Variants in RHOU observed in about 807,000 individuals in gnomAD.
RHOU encodes the protein rho-related GTP-binding protein RhoU.
RHOU carries 8 observed loss-of-function variants against 12.6 expected under a neutral mutation model. The observed-to-expected ratio is 0.64, with a 90% CI of 0.37 to 1.15. The LOEUF is 1.15. RHOU is among the 50% of genes most tolerant of loss of function. The pLI is 0.01. For synonymous variants in RHOU, 161 were observed against 147.4 expected (o/e 1.09, Z -0.67); for missense variants, 258 against 347.0 (o/e 0.74, Z 2.04).
the RHOU span, among the ~76,000 whole-genome samples, chr1:228,707,269 T>TA: frequency 1.2e-3 from 132 of 113,568 alleles, 1 homozygote; most frequent in African/African-American, 4.8e-3. Context: ...TGTGTGTGTG[T>TA]GTGTGTGTGT....
At chr1:228,698,057 C>A in the RHOU span, among the ~76,000 whole-genome samples, 1 of 152,104 alleles carries the variant, frequency 6.6e-6, no homozygotes, top group Non-Finnish European at 1.5e-5. Context: ...GTAGAACATG[C>A]ATAACATAAA....
intron 2 of RHOU, among the ~76,000 whole-genome samples, chr1:228,739,692 C>A (rs889478794): frequency 2.0e-5 from 3 of 152,188 alleles, no homozygotes; most frequent in African/African-American, 7.2e-5. Context: ...TAGCAGGGAG[C>A]CTTACGGGCT....
intron 1 of RHOU, among the ~76,000 whole-genome samples, chr1:228,736,849 C>T (rs2102715524): frequency 6.6e-6 from 1 of 152,288 alleles, no homozygotes; most frequent in South Asian, 2.1e-4. Flanking sequence ...AAAATTGCTT[C>T]TCTGACCTTC....
At chr1:228,684,122 C>G in the RHOU span, among the ~76,000 whole-genome samples, 27 of 152,178 alleles carry the variant, frequency 1.8e-4, no homozygotes, top group Non-Finnish European at 1.6e-4. Context: ...ACTGCAACCT[C>G]CAGCTCCCAG....
the RHOU span, among the ~76,000 whole-genome samples, chr1:228,675,778 T>A: frequency 6.6e-6 from 1 of 152,190 alleles, no homozygotes; most frequent in Non-Finnish European, 1.5e-5. Flanking sequence ...TATTCAGAGA[T>A]CTTACAGGAG....
the RHOU span, among the ~76,000 whole-genome samples, chr1:228,713,016 C>T: frequency 6.7e-6 from 1 of 150,084 alleles, no homozygotes; most frequent in African/African-American, 2.5e-5. Context: ...TTTTTTTAAC[C>T]AGGAATGGAT....
chr1:228,703,144 C>T, the RHOU span, among the ~76,000 whole-genome samples: 1 of 152,184 alleles, frequency 6.6e-6, no homozygotes. Flanking sequence ...ACATTTAAAA[C>T]AACAGTAAGA....
chr1:228,649,909 G>A, the RHOU span, among the ~76,000 whole-genome samples: 13 of 152,118 alleles, frequency 8.5e-5, no homozygotes, highest in African/African-American at 2.7e-4. Context: ...AATCTAAGAC[G>A]TCATCAGTTG....
upstream of RHOU, among the ~76,000 whole-genome samples, chr1:228,730,544 A>C (rs1662475801): frequency 6.6e-6 from 1 of 152,212 alleles, no homozygotes; most frequent in East Asian, 1.9e-4. Context: ...AATTCTGAGA[A>C]TCATGTCTCC....
At chr1:228,713,969 T>C in the RHOU span, among the ~76,000 whole-genome samples, 4 of 152,208 alleles carry the variant, frequency 2.6e-5, no homozygotes, top group African/African-American at 9.7e-5. Context: ...GTGTTGATTG[T>C]AGTATGAGAG....
intron 2 of RHOU, among the ~76,000 whole-genome samples, chr1:228,742,181 A>G (rs1378846290): frequency 1.3e-5 from 2 of 152,232 alleles, no homozygotes; most frequent in African/African-American, 4.8e-5. Flanking sequence ...GAAAGAGTAA[A>G]TATTTTTCTA....
the RHOU span, among the ~76,000 whole-genome samples, chr1:228,690,244 G>A: frequency 1.3e-5 from 2 of 152,024 alleles, no homozygotes; most frequent in African/African-American, 4.8e-5. Flanking sequence ...GTAAGGAAAG[G>A]AAGAAAAGGA....
At chr1:228,717,867 CAGAAG>C in the RHOU span, among the ~76,000 whole-genome samples, 1 of 152,194 alleles carries the variant, frequency 6.6e-6, no homozygotes, top group African/African-American at 2.4e-5. Flanking sequence ...AATTCAAGAT[CAGAAG>C]AACTGGACAC....
chr1:228,707,251 ATATAGTGTGTGTGTGTGTGTGTGTGTGT>A, the RHOU span, among the ~76,000 whole-genome samples: 7 of 96,634 alleles, frequency 7.2e-5, 1 homozygote, highest in African/African-American at 4.1e-4. Flanking sequence ...ATATATATAT[ATATAGTGTGTGTGTGTGTGTGTGTGTGT>A]GTGTGTGTGT....
At chr1:228,683,555 A>G in the RHOU span, among the ~76,000 whole-genome samples, 5 of 152,220 alleles carry the variant, frequency 3.3e-5, no homozygotes, top group African/African-American at 9.6e-5. Flanking sequence ...TGAGTTCTTG[A>G]TTTAATGAAT....
chr1:228,722,201 T>C, the RHOU span, among the ~76,000 whole-genome samples: 1 of 152,202 alleles, frequency 6.6e-6, no homozygotes, highest in Admixed American at 6.5e-5. Flanking sequence ...CTTATTCCTA[T>C]AGGCAGAGTT....
the RHOU span, among the ~76,000 whole-genome samples, chr1:228,690,721 G>A: frequency 1.3e-5 from 2 of 151,954 alleles, no homozygotes; most frequent in Admixed American, 6.6e-5. Context: ...GATTTCAAGC[G>A]ATTCTTCTGC....
the RHOU span, among the ~76,000 whole-genome samples, chr1:228,688,492 C>T: frequency 1.3e-5 from 2 of 152,154 alleles, no homozygotes; most frequent in South Asian, 2.1e-4. Flanking sequence ...TCCTTAGCAT[C>T]GTGCTCTATT....
chr1:228,673,834 G>C, the RHOU span, among the ~76,000 whole-genome samples: 2 of 152,208 alleles, frequency 1.3e-5, no homozygotes, highest in Non-Finnish European at 2.9e-5. Flanking sequence ...GGTGTTTACA[G>C]CTTTAGGTTA....
Sources: gnomAD v4.1 joint callset for allele counts (sites outside exome capture counted in the v4.1 genomes callset) on GRCh38, gnomAD v4.1.1 for gene constraint, MANE v1.5 for transcripts, NCBI Gene and HGNC (gene_info 2026-07-23, HGNC 2026-07-21) for gene names.